The following AFG2A variants were observed in gnomAD, a reference collection of about 807,000 sequenced individuals.
AFG2A encodes the protein ATPase family gene 2 protein homolog A.
the AFG2A span, among the ~76,000 whole-genome samples, chr4:123,089,160 TCTC>T: frequency 2.0e-5 from 3 of 152,218 alleles, no homozygotes; most frequent in Non-Finnish European, 2.9e-5. Flanking sequence ...TAGAGGCTAT[TCTC>T]CTGTGGATAC....
At chr4:123,073,076 C>G in the AFG2A span, among the ~76,000 whole-genome samples, 1 of 151,896 alleles carries the variant, frequency 6.6e-6, no homozygotes, top group South Asian at 2.1e-4. Context: ...AATCTACTGT[C>G]TTAGCATTTT....
chr4:123,095,655 T>C, the AFG2A span, among the ~76,000 whole-genome samples: 1 of 151,804 alleles, frequency 6.6e-6, no homozygotes, highest in Admixed American at 6.6e-5. Context: ...GTAGTAGGAA[T>C]AAAAGAGGCG....
At chr4:122,943,249 A>G in the AFG2A span, among the ~76,000 whole-genome samples, 1 of 152,276 alleles carries the variant, frequency 6.6e-6, no homozygotes, top group South Asian at 2.1e-4. Flanking sequence ...AAAGTCTCCC[A>G]TTATTATTGT....
chr4:123,077,196 T>C, the AFG2A span, among the ~76,000 whole-genome samples: 3 of 151,984 alleles, frequency 2.0e-5, no homozygotes, highest in Non-Finnish European at 4.4e-5. Context: ...TACAGGCGTA[T>C]GCCACCACGC....
the AFG2A span, among the ~76,000 whole-genome samples, chr4:123,058,236 G>C: frequency 6.6e-6 from 1 of 152,206 alleles, no homozygotes; most frequent in Non-Finnish European, 1.5e-5. Flanking sequence ...GTGGCTAGGA[G>C]ACCTCACAAT....
At chr4:123,293,992 T>G in the AFG2A span, among the ~76,000 whole-genome samples, 2 of 152,246 alleles carry the variant, frequency 1.3e-5, no homozygotes, top group Non-Finnish European at 2.9e-5. Flanking sequence ...GGGCTATGAT[T>G]ATTCACCTAT....
the AFG2A span, among the ~76,000 whole-genome samples, chr4:123,213,553 A>T: frequency 6.6e-6 from 1 of 152,204 alleles, no homozygotes; most frequent in Non-Finnish European, 1.5e-5. Flanking sequence ...ATTAGCTGCT[A>T]CTAAAAATGA....
chr4:123,185,179 A>C, the AFG2A span, among the ~76,000 whole-genome samples: 1 of 130,892 alleles, frequency 7.6e-6, no homozygotes, highest in African/African-American at 2.4e-5. Flanking sequence ...AATTGGAGGA[A>C]TATTAGTAAT....
the AFG2A span, among the ~76,000 whole-genome samples, chr4:122,957,469 G>A: frequency 6.6e-6 from 1 of 152,208 alleles, no homozygotes; most frequent in African/African-American, 2.4e-5. Flanking sequence ...TGTTCCAAGT[G>A]CTATAGAATA....
chr4:122,971,176 G>T, the AFG2A span, among the ~76,000 whole-genome samples: 2 of 152,208 alleles, frequency 1.3e-5, no homozygotes, highest in African/African-American at 4.8e-5. Context: ...GGAGGCCAAG[G>T]TGGGAGGATC....
chr4:123,135,755 T>C, the AFG2A span, among the ~76,000 whole-genome samples: 1 of 152,184 alleles, frequency 6.6e-6, no homozygotes, highest in East Asian at 1.9e-4. Context: ...CCATTTTATA[T>C]AAAGGACTTG....
chr4:122,935,197 T>G, the AFG2A span, among the ~76,000 whole-genome samples: 3 of 152,198 alleles, frequency 2.0e-5, no homozygotes, highest in Non-Finnish European at 4.4e-5. Context: ...TTGCATATAT[T>G]TGCTGTGTCT....
the AFG2A span, among the ~76,000 whole-genome samples, chr4:123,309,613 G>A: frequency 6.6e-6 from 1 of 152,118 alleles, no homozygotes; most frequent in African/African-American, 2.4e-5. Flanking sequence ...AAATTCTATT[G>A]TGCACCATGG....
At chr4:123,211,236 G>C in the AFG2A span, among the ~76,000 whole-genome samples, 2 of 152,098 alleles carry the variant, frequency 1.3e-5, no homozygotes, top group African/African-American at 4.8e-5. Context: ...GTAAAAGTTT[G>C]TTTGCATTTT....
At chr4:123,258,165 A>G in the AFG2A span, among the ~76,000 whole-genome samples, 3 of 152,196 alleles carry the variant, frequency 2.0e-5, no homozygotes, top group African/African-American at 7.2e-5. Context: ...TTACAACTTC[A>G]TAGAAATTTT....
At chr4:123,203,631 G>A in the AFG2A span, among the ~76,000 whole-genome samples, 1 of 152,210 alleles carries the variant, frequency 6.6e-6, no homozygotes, top group South Asian at 2.1e-4. Flanking sequence ...ATGTACCAGA[G>A]TTTAACCATT....
At chr4:122,945,299 A>C in the AFG2A span, among the ~76,000 whole-genome samples, 1 of 152,332 alleles carries the variant, frequency 6.6e-6, no homozygotes, top group Admixed American at 6.5e-5. Flanking sequence ...ACCCAGTTCA[A>C]GCTTCCGGGC....
At chr4:123,075,505 G>C in the AFG2A span, among the ~76,000 whole-genome samples, 1 of 151,900 alleles carries the variant, frequency 6.6e-6, no homozygotes, top group African/African-American at 2.4e-5. Context: ...TCACCATGTT[G>C]GTGAACCTGG....
the AFG2A span, among the ~76,000 whole-genome samples, chr4:123,265,818 C>G: frequency 6.6e-6 from 1 of 152,072 alleles, no homozygotes; most frequent in Non-Finnish European, 1.5e-5. Flanking sequence ...GAGAATTACT[C>G]AAGCCAATGA....
Sources: allele counts gnomAD v4.1 joint callset (sites outside exome capture counted in the v4.1 genomes callset), GRCh38; gene constraint gnomAD v4.1.1; transcripts MANE v1.5; gene names NCBI Gene and HGNC (gene_info 2026-07-23, HGNC 2026-07-21).